Variants in ADGRV1 observed in about 807,000 individuals in gnomAD.
ADGRV1 encodes adhesion G protein-coupled receptor V1.
In ADGRV1, 359 loss-of-function variants were observed where a neutral mutation model predicts 596.2. That is an observed-to-expected ratio of 0.60 (90% CI 0.55 to 0.66). The LOEUF is 0.66. ADGRV1 is among the 30% of genes least tolerant of loss of function. The pLI is 0.00. For synonymous variants in ADGRV1, 2,681 were observed against 2,679.2 expected (o/e 1.00, Z -0.02); for missense variants, 7,274 against 7,575.6 (o/e 0.96, Z 1.48).
Position 90,686,012 on chromosome 5 carries a change from A to G in ADGRV1, c.6490+17A>G. ...CAATAGCTGGTAAGAAAAGACATCT[A>G]AAAAGCAGTACATACAGAGGGATGT... On this transcript the variant is annotated intron_variant, in intron 29 of 89. Coordinates refer to ENST00000405460, the MANE Select transcript of ADGRV1 (RefSeq NM_032119.4). 6.6e-7 allele frequency: 1 copy of G among 1,525,498 alleles called. No homozygotes were observed. Among genetic ancestry groups the G allele is most frequent in the Non-Finnish European group, 8.9e-7 (1 of 1,124,394 alleles). The allele number at this position is 1,525,498 out of a possible 1,614,324, so 94.5% of individuals were successfully genotyped here. A position where few individuals can be genotyped will look rare whatever the true frequency, so the allele number is the denominator to read the frequency against.
At chr5:90,781,765 C>T (rs143953500) in intron 65 of ADGRV1, among the ~76,000 whole-genome samples, 187 bp downstream of exon 65, 121 of 152,110 alleles carry the variant, frequency 8.0e-4, no homozygotes, top group Middle Eastern at 3.4e-3. Flanking sequence ...AGTCTTGAAC[C>T]TTACTGTGAA....
chr5:90,782,546 T>G (rs1758961151), intron 65 of ADGRV1, among the ~76,000 whole-genome samples: 1 of 152,156 alleles, frequency 6.6e-6, no homozygotes, highest in South Asian at 2.1e-4. Context: ...TTAGCATAGC[T>G]TAAGAAATAT....
rs116564478 is a variant in ADGRV1 at position 90,797,054 on chromosome 5, C to A, written c.14518-5685C>A. Reference sequence around the variant, plus strand: ...AAAGACCATCGACACTATGAAGAAGCTGCACCAACTAATGGGCAAAATAAC... The same window carrying A: ...AAAGACCATCGACACTATGAAGAAGATGCACCAACTAATGGGCAAAATAAC... On this transcript the variant is annotated intron_variant, in intron 70 of 89. Coordinates refer to ENST00000405460, the MANE Select transcript of ADGRV1 (RefSeq NM_032119.4). Among the ~76,000 whole-genome samples the A allele has an allele frequency of 8.1e-3, 1,232 of 151,850 alleles. 16 individuals are homozygous for A. Among genetic ancestry groups the A allele is most frequent in the African/African-American group, 0.029 (1,177 of 41,228 alleles).
chr5:90,720,023 C>G, intron 43 of ADGRV1, 25 bp from the exon 44 acceptor site: 1 of 1,593,640 alleles, frequency 6.3e-7, no homozygotes, highest in East Asian at 2.2e-5. Flanking sequence ...ATTCTAGTAA[C>G]CTTATCTTTT....
At chr5:90,753,975 G>A (rs1298989057) in intron 54 of ADGRV1, 146 bp downstream of exon 54, 1 of 712,838 alleles carries the variant, frequency 1.4e-6, no homozygotes, top group Non-Finnish European at 2.2e-6. Flanking sequence ...GTTTATTGTT[G>A]TTAAATCTGG....
intron 21 of ADGRV1, among the ~76,000 whole-genome samples, chr5:90,659,880 A>C (rs966604192): frequency 3.3e-5 from 5 of 152,108 alleles, no homozygotes; most frequent in Non-Finnish European, 7.4e-5. Flanking sequence ...AAAATACAAA[A>C]AATTAGCCGG....
At chr5:91,120,403 A>G (rs1793207101) in intron 87 of ADGRV1, among the ~76,000 whole-genome samples, 1 of 152,220 alleles carries the variant, frequency 6.6e-6, no homozygotes, top group Non-Finnish European at 1.5e-5. Context: ...AACTGTCGGC[A>G]GGCAGTATTC....
Position 90,781,394 on chromosome 5 carries a change from T to C in ADGRV1, c.13083-36T>C, listed in dbSNP as rs1237268851. 3 of 1,468,604 alleles carry C rather than the reference T, an allele frequency of 2.0e-6. No individual in the cohort carries two copies. The African/African-American group carries it at 4.2e-5, about 20-fold the overall frequency. The allele number at this position is 1,468,604 out of a possible 1,614,324, so 91.0% of individuals were successfully genotyped here. On this transcript the variant is annotated intron_variant, in intron 64 of 89. Coordinates refer to ENST00000405460, the MANE Select transcript of ADGRV1 (RefSeq NM_032119.4). ...AATTATGTATTTTTTGTTGTTGTTGTATTTTATTTTATTTTGATTTGTATG... is the reference window on the plus strand; with the variant it reads ...AATTATGTATTTTTTGTTGTTGTTGCATTTTATTTTATTTTGATTTGTATG...
At chr5:90,848,616 A>T (rs1242073941) in intron 78 of ADGRV1, 21 bp from the exon 79 acceptor site, 1 of 1,364,930 alleles carries the variant, frequency 7.3e-7, no homozygotes, top group Non-Finnish European at 9.7e-7. Flanking sequence ...ATATATTTTT[A>T]TACTTAGATT....
intron 77 of ADGRV1, among the ~76,000 whole-genome samples, chr5:90,831,167 G>C (rs1764485286): frequency 1.3e-5 from 2 of 151,824 alleles, no homozygotes; most frequent in South Asian, 4.2e-4. Flanking sequence ...ATGATCTTGA[G>C]ACTTCTCAGC....
At chr5:90,882,779 A>T (rs1056733083) in intron 83 of ADGRV1, among the ~76,000 whole-genome samples, 5 of 152,202 alleles carry the variant, frequency 3.3e-5, no homozygotes, top group Admixed American at 1.3e-4. Context: ...CACATTTTTT[A>T]AAAAATAGTC....
chr5:90,604,323 ATAAT>A (rs1410194588), intron 1 of ADGRV1, among the ~76,000 whole-genome samples: 26 of 152,304 alleles, frequency 1.7e-4, no homozygotes, highest in Admixed American at 5.2e-4. Flanking sequence ...GTGAGTGCAA[ATAAT>A]TCATTTAGAA....
rs1236318040 is a variant in ADGRV1 at position 90,821,168 on chromosome 5, A to G, written c.16197-2257A>G. Among the ~76,000 whole-genome samples the G allele has an allele frequency of 6.0e-3, 905 of 150,976 alleles. 9 individuals are homozygous for G. Among genetic ancestry groups the G allele is most frequent in the Non-Finnish European group, 9.7e-3 (655 of 67,724 alleles). On this transcript the variant is annotated intron_variant, in intron 75 of 89. Coordinates refer to ENST00000405460, the MANE Select transcript of ADGRV1 (RefSeq NM_032119.4). ...CTTCTCGCTTCATTTCATTCATTTC[A>G]TCTTCCATTGCTGATACCCTTTCTT...
intron 87 of ADGRV1, among the ~76,000 whole-genome samples, chr5:91,129,587 G>A (rs926756103): frequency 2.0e-5 from 3 of 152,160 alleles, no homozygotes; most frequent in Non-Finnish European, 2.9e-5. Context: ...ATTAATTTAC[G>A]ATGGAATTTA....
intron 4 of ADGRV1, 26 bp from the exon 5 acceptor site, chr5:90,622,571 T>C (rs1463283127): frequency 1.3e-5 from 15 of 1,170,042 alleles, no homozygotes; most frequent in Non-Finnish European, 1.7e-5. Context: ...CAGCTCCTGA[T>C]CATCTGTGCT....
At chr5:90,628,220 C>T (rs1580508203) in intron 7 of ADGRV1, among the ~76,000 whole-genome samples, 2 of 129,518 alleles carry the variant, frequency 1.5e-5, no homozygotes, top group African/African-American at 3.3e-5. Context: ...ACCCCGCCCA[C>T]AAAATAAAAT....
intron 83 of ADGRV1, among the ~76,000 whole-genome samples, chr5:90,903,055 G>A (rs1025283482): frequency 3.3e-5 from 5 of 152,062 alleles, no homozygotes; most frequent in African/African-American, 1.2e-4. Context: ...TGAACCATGT[G>A]TAGCAAAAGG....
At chr5:90,586,217 T>G (rs1376148278) in intron 1 of ADGRV1, among the ~76,000 whole-genome samples, 2 of 152,232 alleles carry the variant, frequency 1.3e-5, no homozygotes, top group African/African-American at 4.8e-5. Flanking sequence ...GCCATACTTG[T>G]TTCATGTATG....
At chr5:91,022,780 T>C (rs1437974516) in intron 85 of ADGRV1, among the ~76,000 whole-genome samples, 2 of 152,138 alleles carry the variant, frequency 1.3e-5, no homozygotes, top group Non-Finnish European at 2.9e-5. Context: ...TGATTACTTG[T>C]GGGGAAACAA....
Sources: gnomAD v4.1 joint callset for allele counts (sites outside exome capture counted in the v4.1 genomes callset) on GRCh38, gnomAD v4.1.1 for gene constraint, MANE v1.5 for transcripts, NCBI Gene and HGNC (gene_info 2026-07-23, HGNC 2026-07-21) for gene names.